NCKAP5: variants seen among roughly 807,000 people sequenced by gnomAD.
NCKAP5 encodes the protein nck-associated protein 5.
NCKAP5 carries 92 observed loss-of-function variants against 167.0 expected under a neutral mutation model. That is an observed-to-expected ratio of 0.55 (90% CI 0.47 to 0.66). The LOEUF (loss-of-function observed/expected upper bound fraction) is 0.66. Ranked by LOEUF, NCKAP5 falls within the 30% of genes least tolerant of loss-of-function variation. NCKAP5 has a pLI of 0.00. For missense variants in NCKAP5, 2,378 were observed against 2,315.0 expected, an observed-to-expected ratio of 1.03 and a Z score of -0.56; for synonymous variants, 891 against 877.4, an observed-to-expected ratio of 1.02 and a Z score of -0.27.
At chr2:133,367,968 T>G (rs1248283351) in intron 3 of NCKAP5, among the ~76,000 whole-genome samples, 2 of 152,102 alleles carry the variant, frequency 1.3e-5, no homozygotes, top group Non-Finnish European at 2.9e-5. Flanking sequence ...GAGCTGCAGG[T>G]GGAGACCCCA....
At chr2:132,872,160 T>C (rs1690875876) in intron 9 of NCKAP5, among the ~76,000 whole-genome samples, 1 of 152,192 alleles carries the variant, frequency 6.6e-6, no homozygotes, top group Non-Finnish European at 1.5e-5. Flanking sequence ...AAGCTGGCAG[T>C]CCTTAAGCCA....
chr2:133,636,426 G>A, the NCKAP5 span, among the ~76,000 whole-genome samples: 14 of 152,192 alleles, frequency 9.2e-5, no homozygotes, highest in African/African-American at 3.1e-4. Context: ...CAAGAAATTA[G>A]AGCTTTCAAG....
the NCKAP5 span, among the ~76,000 whole-genome samples, chr2:133,641,749 AG>A: frequency 2.0e-5 from 3 of 152,194 alleles, no homozygotes; most frequent in Non-Finnish European, 2.9e-5. Context: ...TAGGAACTAG[AG>A]GGAGTGGCAA....
intron 6 of NCKAP5, among the ~76,000 whole-genome samples, chr2:133,078,074 A>G (rs2149581701): frequency 6.6e-6 from 1 of 152,326 alleles, no homozygotes; most frequent in Non-Finnish European, 1.5e-5. Flanking sequence ...TCAGTTCCTC[A>G]GATGTAAAAT....
At chr2:133,455,781 C>T (rs1039651288) in intron 3 of NCKAP5, among the ~76,000 whole-genome samples, 4 of 152,122 alleles carry the variant, frequency 2.6e-5, no homozygotes, top group Non-Finnish European at 5.9e-5. Context: ...GAAAACAGAA[C>T]TTAAACCCCC....
At chr2:132,682,164 A>G (rs911296017) in intron 19 of NCKAP5, among the ~76,000 whole-genome samples, 1 of 152,162 alleles carries the variant, frequency 6.6e-6, no homozygotes, top group Non-Finnish European at 1.5e-5. Context: ...TCAACGATCA[A>G]TTCTGTGTGG....
chr2:132,893,064 C>T (rs1234349788), intron 8 of NCKAP5, among the ~76,000 whole-genome samples: 1 of 150,478 alleles, frequency 6.6e-6, no homozygotes, highest in African/African-American at 2.4e-5. Flanking sequence ...ATCATTTCAT[C>T]CAAAAGAGGA....
chr2:132,753,268 A>G (rs939236994), intron 16 of NCKAP5, among the ~76,000 whole-genome samples: 3 of 152,232 alleles, frequency 2.0e-5, no homozygotes, highest in East Asian at 1.9e-4. Context: ...GAATAAACAC[A>G]TGATGAAAGA....
intron 19 of NCKAP5, among the ~76,000 whole-genome samples, chr2:132,700,139 T>C (rs966455681): frequency 1.3e-5 from 2 of 152,230 alleles, no homozygotes; most frequent in African/African-American, 4.8e-5. Flanking sequence ...TTTTGAGAAG[T>C]GTCTGTTCAT....
intron 6 of NCKAP5, among the ~76,000 whole-genome samples, chr2:133,077,690 G>A (rs982045364): frequency 1.3e-4 from 20 of 152,304 alleles, no homozygotes; most frequent in African/African-American, 4.6e-4. Context: ...GAAGAAAGCT[G>A]TATCCAAGGC....
At chr2:132,981,038 T>A (rs541063719) in intron 7 of NCKAP5, among the ~76,000 whole-genome samples, 3 of 152,154 alleles carry the variant, frequency 2.0e-5, no homozygotes, top group Non-Finnish European at 4.4e-5. Context: ...TGTGCTAATT[T>A]ATTAATTTAA....
At chr2:132,819,269 T>C (rs1686525067) in intron 11 of NCKAP5, among the ~76,000 whole-genome samples, 2 of 152,188 alleles carry the variant, frequency 1.3e-5, no homozygotes, top group South Asian at 4.1e-4. Flanking sequence ...CTCTAGAACC[T>C]GGAGTCACTG....
chr2:133,372,077 T>C (rs1398824306), intron 3 of NCKAP5, among the ~76,000 whole-genome samples: 1 of 152,150 alleles, frequency 6.6e-6, no homozygotes, highest in Non-Finnish European at 1.5e-5. Flanking sequence ...AGAACTATCA[T>C]TAGAAAAGAA....
intron 19 of NCKAP5, among the ~76,000 whole-genome samples, chr2:132,719,571 T>G (rs767945698): frequency 5.6e-4 from 85 of 152,174 alleles, no homozygotes; most frequent in Non-Finnish European, 8.5e-4. Context: ...GGGAGGGCAC[T>G]TCGGTGGCAG....
At chr2:132,891,479 G>T (rs1236274621) in intron 8 of NCKAP5, among the ~76,000 whole-genome samples, 2 of 152,144 alleles carry the variant, frequency 1.3e-5, no homozygotes, top group African/African-American at 2.4e-5. Context: ...GGAACTGGGG[G>T]GTGGTAACCA....
chr2:132,794,231 T>C (rs1274132505), intron 12 of NCKAP5, among the ~76,000 whole-genome samples: 16 of 28,084 alleles, frequency 5.7e-4, no homozygotes, highest in African/African-American at 1.5e-3. Context: ...TACATATATA[T>C]ATATATATAT....
At chr2:132,798,789 ACAGGATCT>A (rs1662917375) in intron 11 of NCKAP5, among the ~76,000 whole-genome samples, 1 of 152,178 alleles carries the variant, frequency 6.6e-6, no homozygotes, top group Admixed American at 6.5e-5. Context: ...TACACGTTCT[ACAGGATCT>A]CAGGAATGTA....
At chr2:132,786,498 T>A (rs2105078703) in intron 13 of NCKAP5, among the ~76,000 whole-genome samples, 1 of 152,316 alleles carries the variant, frequency 6.6e-6, no homozygotes, top group African/African-American at 2.4e-5. Context: ...TGACAGTAAT[T>A]ATTCACCTAC....
the NCKAP5 span, among the ~76,000 whole-genome samples, chr2:133,661,141 G>A: frequency 6.6e-6 from 1 of 152,142 alleles, no homozygotes; most frequent in South Asian, 2.1e-4. Flanking sequence ...GCAAGTGTGA[G>A]AAATGACGAG....
Sources: gnomAD v4.1 joint callset for allele counts (sites outside exome capture counted in the v4.1 genomes callset) on GRCh38, gnomAD v4.1.1 for gene constraint, MANE v1.5 for transcripts, NCBI Gene and HGNC (gene_info 2026-07-23, HGNC 2026-07-21) for gene names.